KIAA1671: variants seen among roughly 807,000 people sequenced by gnomAD.
KIAA1671 encodes the protein KIAA1671, also known as uncharacterized protein KIAA1671.
Under a neutral mutation model 131.2 loss-of-function variants are expected in KIAA1671, and 52 were observed. The ratio of observed to expected loss-of-function variants is 0.40; its 90% confidence interval spans 0.32 to 0.50. KIAA1671 has a LOEUF of 0.50. Ranked by LOEUF, KIAA1671 falls within the 20% of genes least tolerant of loss-of-function variation. The pLI is 0.73. For synonymous variants in KIAA1671, 1,003 were observed against 961.6 expected (o/e 1.04, Z -0.80); for missense variants, 2,360 against 2,364.2 (o/e 1.00, Z 0.04).
chr22:25,191,960 T>TAC (rs1934684231), intron 12 of KIAA1671, among the ~76,000 whole-genome samples: 1 of 152,206 alleles, frequency 6.6e-6, no homozygotes, highest in African/African-American at 2.4e-5. Context: ...TACATATGTA[T>TAC]ATATATACAT....
At position 25,070,036 on chromosome 22, in the gene KIAA1671, C is replaced by T. The variant is rs139255164; in HGVS notation, c.4530+20672C>T. On this transcript the variant is annotated intron_variant, in intron 6 of 12. Transcript: ENST00000358431. The stretch of plus-strand genomic sequence containing the variant: ...CCTTCTTGCCGTACAACTGAAAACC[C>T]TAAAACCCTCCGTGCCTACGGCTCC... 217 of 265,100 alleles carry T rather than the reference C, an allele frequency of 8.2e-4. 3 individuals carry two copies. Among genetic ancestry groups the T allele is most frequent in the Middle Eastern group, 6.1e-3 (6 of 976 alleles). The allele number at this position is 265,100 out of a possible 1,614,324, so 16.4% of individuals were successfully genotyped here. A position where few individuals can be genotyped will look rare whatever the true frequency, so the allele number is the denominator to read the frequency against.
chr22:24,998,720 A>G (rs1261423173), intron 1 of KIAA1671, among the ~76,000 whole-genome samples: 1 of 150,052 alleles, frequency 6.7e-6, no homozygotes. Context: ...TCTGTCTCAA[A>G]AAAAAAAAAA....
intron 6 of KIAA1671, among the ~76,000 whole-genome samples, chr22:25,142,701 G>A (rs1440900051): frequency 3.3e-5 from 5 of 152,094 alleles, no homozygotes; most frequent in Non-Finnish European, 4.4e-5. Flanking sequence ...GTGAAACCCC[G>A]TCTCTAATAA....
At chr22:25,165,622 T>C (rs1471111014) in intron 6 of KIAA1671, among the ~76,000 whole-genome samples, 2 of 152,186 alleles carry the variant, frequency 1.3e-5, no homozygotes, top group Admixed American at 6.5e-5. Flanking sequence ...TAAATTCAAA[T>C]AGTCATAAGT....
Position 25,040,052 on chromosome 22 carries a change from C to T in KIAA1671, c.2922C>T (p.His974=). 1 of 1,551,702 alleles carries T rather than the reference C, an allele frequency of 6.4e-7. No homozygotes were observed. The highest frequency in any genetic ancestry group is 2.4e-5 in the East Asian group (1 of 40,910). ...LVPEDSPHVG[H]RRTDYVSPTA... is the part of the protein sequence containing the mutation. ...CAGAGGACTCTCCACATGTGGGGCA[C>T]AGACGAACAGATTATGTGAGCCCCA... The change falls in exon 5 of 13, where the codon CAC becomes CAT. Residue 974 remains histidine, a synonymous_variant. Coordinates refer to ENST00000358431, the MANE Select transcript of KIAA1671 (RefSeq NM_001145206.2).
intron 6 of KIAA1671, among the ~76,000 whole-genome samples, chr22:25,098,781 T>G (rs1222466205): frequency 6.6e-6 from 1 of 152,146 alleles, no homozygotes; most frequent in African/African-American, 2.4e-5. Context: ...TGACACCCCT[T>G]TGTCAAGATG....
At chr22:24,967,513 G>A (rs1258847202) in intron 1 of KIAA1671, among the ~76,000 whole-genome samples, 1 of 152,124 alleles carries the variant, frequency 6.6e-6, no homozygotes, top group Non-Finnish European at 1.5e-5. Flanking sequence ...GTTATTTGTT[G>A]AGCATCTACT....
intron 6 of KIAA1671, among the ~76,000 whole-genome samples, chr22:25,094,358 C>A (rs537482746): frequency 6.6e-6 from 1 of 152,000 alleles, no homozygotes; most frequent in Non-Finnish European, 1.5e-5. Context: ...TGAATGAATC[C>A]GGGATGGAGA....
chr22:25,031,817 G>T (rs1043662585), intron 3 of KIAA1671, among the ~76,000 whole-genome samples: 2 of 152,180 alleles, frequency 1.3e-5, no homozygotes, highest in Non-Finnish European at 2.9e-5. Context: ...GGAAACTGAG[G>T]CTCTGAGTTT....
chr22:25,042,481 T>G (rs1467398708), intron 5 of KIAA1671, among the ~76,000 whole-genome samples: 1 of 149,580 alleles, frequency 6.7e-6, no homozygotes, highest in Non-Finnish European at 1.5e-5. Flanking sequence ...TTTTTTTTTT[T>G]TTTGAGACGG....
At chr22:25,068,970 G>T (rs1012545440) in intron 6 of KIAA1671, among the ~76,000 whole-genome samples, 1 of 152,016 alleles carries the variant, frequency 6.6e-6, no homozygotes, top group African/African-American at 2.4e-5. Flanking sequence ...CCTTGCCTCA[G>T]AAGCACAGCT....
Position 24,957,781 on chromosome 22 carries a change from G to A in KIAA1671, c.-208+5009G>A, listed in dbSNP as rs111842493. ...CAGCCTCCACCTCCTGGGTTCAAGT[G>A]ATTCTCCTATCTCAGCCTCCCGAGT... On this transcript the variant is annotated intron_variant, in intron 1 of 12. Transcript: ENST00000358431. Among the ~76,000 whole-genome samples, 506 of 145,814 alleles carry A rather than the reference G, an allele frequency of 3.5e-3. 3 individuals carry two copies. The highest frequency in any genetic ancestry group is 0.013 in the African/African-American group (484 of 38,574).
At chr22:25,148,449 C>G (rs914956671) in intron 6 of KIAA1671, among the ~76,000 whole-genome samples, 4 of 152,126 alleles carry the variant, frequency 2.6e-5, no homozygotes, top group African/African-American at 7.2e-5. Flanking sequence ...GCTCCCTGGG[C>G]TGTAGAGAGT....
intron 9 of KIAA1671, chr22:25,179,419 T>C (rs1446147611): frequency 6.2e-7 from 1 of 1,612,900 alleles, no homozygotes. Context: ...CGGATCTCCT[T>C]GCTGAGCTCC....
intron 4 of KIAA1671, among the ~76,000 whole-genome samples, chr22:25,033,515 C>G (rs1007089294): frequency 6.7e-6 from 1 of 148,882 alleles, no homozygotes. Flanking sequence ...TAGCGAAAAC[C>G]GGTTTGTGGT....
chr22:24,960,130 C>CAAAT (rs56860953), intron 1 of KIAA1671, among the ~76,000 whole-genome samples: 15,021 of 146,868 alleles, frequency 0.1, 1,032 homozygotes, highest in African/African-American at 0.2. Flanking sequence ...GACTCCGTCT[C>CAAAT]AAATAAATAA....
intron 1 of KIAA1671, among the ~76,000 whole-genome samples, chr22:25,000,160 G>A (rs1223495493): frequency 6.7e-6 from 1 of 149,162 alleles, no homozygotes; most frequent in Non-Finnish European, 1.5e-5. Context: ...TGGGATTACA[G>A]GTGTGAGCCA....
intron 9 of KIAA1671, among the ~76,000 whole-genome samples, chr22:25,180,717 G>T (rs1055998751): frequency 2.0e-5 from 3 of 152,184 alleles, no homozygotes; most frequent in African/African-American, 7.2e-5. Context: ...TGAGTGAGGG[G>T]CATTGCTTCT....
chr22:25,146,024 A>G (rs76060376), intron 6 of KIAA1671, among the ~76,000 whole-genome samples: 171 of 152,268 alleles, frequency 1.1e-3, no homozygotes, highest in African/African-American at 4.0e-3. Flanking sequence ...ATGAGTGTGC[A>G]CATGTGTCTG....
Sources: gnomAD v4.1 joint callset for allele counts (sites outside exome capture counted in the v4.1 genomes callset) on GRCh38, gnomAD v4.1.1 for gene constraint, MANE v1.5 for transcripts, NCBI Gene and HGNC (gene_info 2026-07-23, HGNC 2026-07-21) for gene names.